The following FHIT variants were observed in gnomAD, a reference collection of about 807,000 sequenced individuals.
The protein encoded by FHIT is fragile histidine triad diadenosine triphosphatase.
FHIT carries 19 observed loss-of-function variants against 17.9 expected under a neutral mutation model. The observed-to-expected ratio is 1.06, with a 90% confidence interval of 0.74 to 1.56. The LOEUF (loss-of-function observed/expected upper bound fraction) is 1.56. Ranked by LOEUF, FHIT falls within the 40% of genes most tolerant of loss-of-function variation. The pLI is 0.00. For synonymous variants in FHIT, 81 were observed against 69.7 expected (o/e 1.16, Z -0.81); for missense variants, 248 against 189.2 (o/e 1.31, Z -1.82).
intron 2 of FHIT, among the ~76,000 whole-genome samples, chr3:61,183,392 T>A (rs910560032): frequency 3.3e-5 from 5 of 152,124 alleles, no homozygotes; most frequent in Admixed American, 3.3e-4. Flanking sequence ...CCCCAAATTA[T>A]CCCAACCTCA....
At chr3:61,166,618 A>C (rs1324664584) in intron 2 of FHIT, among the ~76,000 whole-genome samples, 1 of 152,228 alleles carries the variant, frequency 6.6e-6, no homozygotes, top group Non-Finnish European at 1.5e-5. Flanking sequence ...GTTCAAGATT[A>C]ACTCAAATCT....
chr3:60,510,160 A>G (rs116659574), intron 5 of FHIT, among the ~76,000 whole-genome samples: 1 of 152,304 alleles, frequency 6.6e-6, no homozygotes, highest in African/African-American at 2.4e-5. Flanking sequence ...CAGGAAACCA[A>G]TGGTAGCAAA....
Position 60,386,792 on chromosome 3 carries a change from C to T in FHIT, c.103+150068G>A, listed in dbSNP as rs557351350. ...GGGCCTACTGTGTGTGCGTTCCAGA[C>T]GATATGTGGTAGGTGCTGACCACTT... On this transcript the variant is annotated intron_variant, in intron 5 of 9. Coordinates refer to ENST00000492590, the MANE Select transcript of FHIT (RefSeq NM_002012.4). Among the ~76,000 whole-genome samples, 298 of 152,298 alleles carry T rather than the reference C, an allele frequency of 2.0e-3. 1 individual carries two copies. Among genetic ancestry groups the T allele is most frequent in the African/African-American group, 6.6e-3 (276 of 41,570 alleles).
intron 8 of FHIT, among the ~76,000 whole-genome samples, chr3:59,878,880 T>A (rs752222293): frequency 4.0e-4 from 61 of 152,096 alleles, no homozygotes; most frequent in Non-Finnish European, 7.1e-4. Flanking sequence ...TCCCAACAAT[T>A]CTGCATGCTA....
chr3:60,531,274 C>CTT (rs5741620), intron 5 of FHIT, among the ~76,000 whole-genome samples: 8 of 83,122 alleles, frequency 9.6e-5, no homozygotes, highest in East Asian at 3.6e-4. Flanking sequence ...GAAAAGAACT[C>CTT]TTTTTTTTTT....
chr3:61,150,089 G>A (rs2037342417), intron 2 of FHIT, among the ~76,000 whole-genome samples: 1 of 151,998 alleles, frequency 6.6e-6, no homozygotes, highest in Non-Finnish European at 1.5e-5. Flanking sequence ...TCTTCCATAT[G>A]TTTGGCACTG....
intron 5 of FHIT, among the ~76,000 whole-genome samples, chr3:60,516,009 G>A (rs116726867): frequency 0.033 from 4,967 of 152,218 alleles, 128 homozygotes; most frequent in Non-Finnish European, 0.052. Flanking sequence ...CACTCAAGTT[G>A]ATATAGTGGG....
At chr3:60,861,779 A>C (rs1703911792) in intron 3 of FHIT, among the ~76,000 whole-genome samples, 1 of 152,228 alleles carries the variant, frequency 6.6e-6, no homozygotes, top group Middle Eastern at 3.4e-3. Flanking sequence ...CAAAAAACAA[A>C]GTAAGAACCA....
intron 5 of FHIT, among the ~76,000 whole-genome samples, chr3:60,252,571 AAAAT>A (rs1293007479): frequency 4.6e-5 from 7 of 152,006 alleles, no homozygotes; most frequent in Admixed American, 2.6e-4. Flanking sequence ...CGAAAAGAAA[AAAAT>A]AAATAAATAG....
chr3:60,084,135 A>C (rs114160887), intron 5 of FHIT, among the ~76,000 whole-genome samples: 1,830 of 152,288 alleles, frequency 0.012, 22 homozygotes, highest in South Asian at 0.043. Context: ...AAGTCTCAGA[A>C]AGGATAATAC....
intron 5 of FHIT, among the ~76,000 whole-genome samples, chr3:60,520,607 G>C (rs766148253): frequency 5.9e-5 from 9 of 151,938 alleles, no homozygotes; most frequent in Non-Finnish European, 1.2e-4. Context: ...TGAATTGTTG[G>C]TAGTCTCAAT....
chr3:60,862,571 C>CG (rs1703962122), intron 3 of FHIT, among the ~76,000 whole-genome samples: 2 of 152,146 alleles, frequency 1.3e-5, no homozygotes, highest in Admixed American at 6.5e-5. Flanking sequence ...ATCCCTGGGC[C>CG]GGGCATGGTG....
At chr3:60,357,310 C>T (rs1699712457) in intron 5 of FHIT, among the ~76,000 whole-genome samples, 1 of 152,076 alleles carries the variant, frequency 6.6e-6, no homozygotes, top group African/African-American at 2.4e-5. Context: ...CAGGTTCAAG[C>T]TCAAGCGATT....
At chr3:60,992,793 C>T (rs144324981) in intron 3 of FHIT, among the ~76,000 whole-genome samples, 36 of 152,262 alleles carry the variant, frequency 2.4e-4, no homozygotes, top group African/African-American at 8.4e-4. Flanking sequence ...AGAAATATAG[C>T]TCAAGTACCT....
At chr3:60,742,246 T>C (rs2042255057) in intron 4 of FHIT, among the ~76,000 whole-genome samples, 1 of 152,192 alleles carries the variant, frequency 6.6e-6, no homozygotes, top group South Asian at 2.1e-4. Context: ...AAAAAGCTAC[T>C]TTTCACTTCC....
intron 4 of FHIT, among the ~76,000 whole-genome samples, chr3:60,630,156 A>G (rs570234556): frequency 3.0e-4 from 46 of 152,334 alleles, no homozygotes; most frequent in African/African-American, 1.0e-3. Flanking sequence ...AGATTCTTCT[A>G]GCCAGGAGGT....
At chr3:59,990,360 GGATTTGTATCA>G (rs1435066055) in intron 7 of FHIT, among the ~76,000 whole-genome samples, 1 of 151,906 alleles carries the variant, frequency 6.6e-6, no homozygotes, top group East Asian at 1.9e-4. Context: ...TTTTTCCTGT[GGATTTGTATCA>G]GTTGCTGGTT....
At chr3:59,917,142 T>G (rs963989755) in intron 8 of FHIT, among the ~76,000 whole-genome samples, 2 of 152,220 alleles carry the variant, frequency 1.3e-5, no homozygotes, top group Admixed American at 1.3e-4. Flanking sequence ...TTTTAGCAAG[T>G]TGATTTTGCT....
intron 7 of FHIT, among the ~76,000 whole-genome samples, chr3:59,997,265 A>G (rs560234393): frequency 6.6e-6 from 1 of 152,280 alleles, no homozygotes; most frequent in South Asian, 2.1e-4. Context: ...AAGGGAAAGT[A>G]ATACATTTTC....
Sources: allele counts gnomAD v4.1 joint callset (sites outside exome capture counted in the v4.1 genomes callset), GRCh38; gene constraint gnomAD v4.1.1; transcripts MANE v1.5; gene names NCBI Gene and HGNC (gene_info 2026-07-23, HGNC 2026-07-21).